The following SLC4A5 variants were observed in gnomAD, a reference collection of about 807,000 sequenced individuals.
SLC4A5 encodes the protein solute carrier family 4 member 5, also known as electrogenic sodium bicarbonate cotransporter 4.
Under a neutral mutation model 120.4 loss-of-function variants are expected in SLC4A5, and 96 were observed. The observed-to-expected ratio is 0.80, with a 90% CI of 0.68 to 0.94. SLC4A5 has a LOEUF of 0.94. Among genes scored for constraint, SLC4A5 ranks in the 40% least tolerant of loss-of-function variants. The pLI, the probability that SLC4A5 is intolerant of heterozygous loss-of-function variation, is 0.00. For synonymous variants in SLC4A5, 550 were observed against 571.1 expected (o/e 0.96, Z 0.53); for missense variants, 1,259 against 1,459.5 (o/e 0.86, Z 2.24).
At chr2:74,308,256 C>T (rs572898611) in intron 6 of SLC4A5, among the ~76,000 whole-genome samples, 1 of 152,318 alleles carries the variant, frequency 6.6e-6, no homozygotes, top group South Asian at 2.1e-4. Flanking sequence ...AACATGATCG[C>T]TGGTTCGGAC....
Position 74,222,958 on chromosome 2 carries a change from G to A in SLC4A5, c.3247-6C>T. On this transcript the variant is annotated splice_region_variant and splice_polypyrimidine_tract_variant and intron_variant, in intron 28 of 30. Coordinates refer to ENST00000394019, the Ensembl canonical transcript of SLC4A5. ...GAGGGAGGAGGGAACTGGGGCTGGAGAAAAACAGTGGGAAAAGAGGATAAA... is the reference window on the plus strand; with the variant it reads ...GAGGGAGGAGGGAACTGGGGCTGGAAAAAAACAGTGGGAAAAGAGGATAAA... 6.3e-7 allele frequency: 1 copy of A among 1,589,098 alleles called. No individual in the cohort carries two copies. The highest frequency in any genetic ancestry group is 1.8e-5 in the Admixed American group (1 of 55,534).
intron 19 of SLC4A5, among the ~76,000 whole-genome samples, chr2:74,244,295 A>G (rs1436504757): frequency 6.6e-6 from 1 of 152,208 alleles, no homozygotes; most frequent in Non-Finnish European, 1.5e-5. Context: ...CTCAAACTTA[A>G]GAGTGCATCA....
rs771824648 is a variant in SLC4A5, at chr2:74,227,555, C to T, written c.2916+255G>A. ...TTCTGGATTTTGAATTCTGACCCTC[C>T]GGTCCCCATCTGTAAAATGGGGATC... On this transcript the variant is annotated intron_variant, in intron 26 of 30. Transcript: ENST00000394019. 1.1e-5 allele frequency: 18 copies of T among 1,610,736 alleles called. No homozygotes were observed. Among genetic ancestry groups the T allele is most frequent in the East Asian group, 4.5e-5 (2 of 44,786 alleles).
intron 28 of SLC4A5, 133 bp downstream of exon 28, chr2:74,224,707 C>A (rs2103880382): frequency 8.6e-6 from 11 of 1,273,636 alleles, no homozygotes; most frequent in Non-Finnish European, 1.2e-5. Context: ...AAGCAGATGC[C>A]CCAGCCCATC....
At chr2:74,230,730 A>C (rs180839001) in intron 25 of SLC4A5, among the ~76,000 whole-genome samples, 62 of 152,340 alleles carry the variant, frequency 4.1e-4, no homozygotes, top group African/African-American at 1.3e-3. Flanking sequence ...AAAAAACTGC[A>C]GTATCACAGA....
chr2:74,236,747 T>C (rs1249951139), intron 21 of SLC4A5, among the ~76,000 whole-genome samples: 2 of 152,264 alleles, frequency 1.3e-5, no homozygotes, highest in East Asian at 3.9e-4. Flanking sequence ...GAACTTGACT[T>C]TTTTTGTAGG....
intron 6 of SLC4A5, among the ~76,000 whole-genome samples, chr2:74,308,263 G>A (rs1014427446): frequency 6.6e-6 from 1 of 152,136 alleles, no homozygotes; most frequent in Non-Finnish European, 1.5e-5. Context: ...TCGCTGGTTC[G>A]GACGACAAGA....
At chr2:74,261,343 G>A (rs112250416) in intron 11 of SLC4A5, among the ~76,000 whole-genome samples, 4,629 of 152,290 alleles carry the variant, frequency 0.03, 117 homozygotes, top group Non-Finnish European at 0.052. Flanking sequence ...AGACTAAGAG[G>A]ACTTGGGTCA....
At position 74,279,130 on chromosome 2, in the gene SLC4A5, C is replaced by G. The variant is rs1212754027; in HGVS notation, c.401+6643G>C. Among the ~76,000 whole-genome samples, 3 of 152,228 alleles carry G rather than the reference C, an allele frequency of 2.0e-5. No individual in the cohort carries two copies. In the East Asian group the frequency reaches 5.8e-4, roughly 29 times the overall value. ...TACGATGTGCTCAGACTTCGCTGAC[C>G]CTCAAAAACAAAAGGATCTCCCTTG... On this transcript the variant is annotated intron_variant, in intron 8 of 30. Transcript: ENST00000394019.
chr2:74,247,483 A>G (rs1179772405), intron 18 of SLC4A5, among the ~76,000 whole-genome samples, 176 bp from the exon 19 acceptor site: 2 of 151,154 alleles, frequency 1.3e-5, no homozygotes, highest in African/African-American at 4.9e-5. Flanking sequence ...GATCTTTGAG[A>G]TTTCATGGGG....
intron 6 of SLC4A5, chr2:74,306,943 G>A: frequency 1.6e-6 from 1 of 611,426 alleles, no homozygotes; most frequent in Non-Finnish European, 3.0e-6. Context: ...TCCTGGGCCT[G>A]GCACTGTCCC....
At chr2:74,272,964 G>T (rs148865090) in intron 8 of SLC4A5, among the ~76,000 whole-genome samples, 1 of 152,314 alleles carries the variant, frequency 6.6e-6, no homozygotes, top group East Asian at 1.9e-4. Flanking sequence ...TGGAAACTTC[G>T]TAACTCCCAC....
At chr2:74,292,304 CCTT>C (rs1306538346) in intron 7 of SLC4A5, among the ~76,000 whole-genome samples, 1 of 152,170 alleles carries the variant, frequency 6.6e-6, no homozygotes, top group African/African-American at 2.4e-5. Context: ...AGGGCCCAAT[CCTT>C]CTCAGCTTCT....
chr2:74,288,609 G>A (rs1012837670), intron 7 of SLC4A5, among the ~76,000 whole-genome samples: 1 of 151,922 alleles, frequency 6.6e-6, no homozygotes, highest in African/African-American at 2.4e-5. Flanking sequence ...TCTTGATCTT[G>A]CCCAGGATTC....
At chr2:74,286,076 G>A (rs1424195741) in intron 7 of SLC4A5, among the ~76,000 whole-genome samples, 174 bp from the exon 8 acceptor site, 2 of 152,196 alleles carry the variant, frequency 1.3e-5, no homozygotes, top group Non-Finnish European at 2.9e-5. Context: ...TCAGAGGTGG[G>A]CGAGATACTC....
At chr2:74,285,945 G>T in intron 7 of SLC4A5, 43 bp from the exon 8 acceptor site, 2 of 1,532,614 alleles carry the variant, frequency 1.3e-6, no homozygotes, top group South Asian at 2.4e-5. Flanking sequence ...TCCCATGGAA[G>T]GCAGGAGGAC....
chr2:74,306,876 T>G (rs1364621853), intron 6 of SLC4A5: 13 of 628,116 alleles, frequency 2.1e-5, no homozygotes, highest in Admixed American at 6.2e-5. Context: ...CAGCAGGCAG[T>G]GGTAGGTGGT....
At position 74,221,469 on chromosome 2, in the gene SLC4A5, AGAGT is replaced by A; in HGVS notation, c.3360_3363del (p.Leu1121AspfsTer67). The A allele has an allele frequency of 6.2e-7, 1 of 1,614,166 alleles. No homozygotes were observed. Among genetic ancestry groups the A allele is most frequent in the Non-Finnish European group, 8.5e-7 (1 of 1,179,956 alleles). ...GTTCTGTGTCACTGAAGGAAGAATC[AGAGT>A]GAGTAACTCCAACTGGAAGATCTTT... is the stretch of plus-strand genomic sequence containing the variant. On this transcript the variant is annotated frameshift_variant, in exon 30 of 31. Coordinates refer to ENST00000394019, the Ensembl canonical transcript of SLC4A5. LOFTEE classifies it high-confidence loss of function.
chr2:74,260,596 C>T (rs570027909), intron 11 of SLC4A5, among the ~76,000 whole-genome samples: 45 of 152,306 alleles, frequency 3.0e-4, no homozygotes, highest in African/African-American at 1.0e-3. Context: ...ATGCCCCTCC[C>T]TCCCATCCAC....
Sources: gnomAD v4.1 joint callset for allele counts (sites outside exome capture counted in the v4.1 genomes callset) on GRCh38, gnomAD v4.1.1 for gene constraint, MANE v1.5 for transcripts, NCBI Gene and HGNC (gene_info 2026-07-23, HGNC 2026-07-21) for gene names.